AFG1L: variants seen among roughly 807,000 people sequenced by gnomAD.
AFG1L encodes AFG1 like ATPase.
A neutral mutation model predicts 62.2 loss-of-function variants in AFG1L; 53 were observed. The observed-to-expected ratio is 0.85, with a 90% CI of 0.68 to 1.07. AFG1L has a LOEUF of 1.07. Ranked by LOEUF, AFG1L falls within the 50% of genes least tolerant of loss-of-function variation. The pLI is 0.00. For missense variants in AFG1L, 555 were observed against 590.5 expected (o/e 0.94, Z 0.62); for synonymous variants, 228 against 210.3 (o/e 1.08, Z -0.73).
chr6:108,344,790 G>T (rs1306233107), intron 2 of AFG1L: 2 of 471,048 alleles, frequency 4.2e-6, no homozygotes, highest in Non-Finnish European at 8.8e-6. Flanking sequence ...AGGAACTGCT[G>T]CAGAGTATGA....
intron 6 of AFG1L, among the ~76,000 whole-genome samples, chr6:108,370,850 T>G (rs1168441635): frequency 1.3e-5 from 2 of 152,212 alleles, no homozygotes; most frequent in Non-Finnish European, 2.9e-5. Context: ...TAATTCCTTC[T>G]GCTTCATTCA....
chr6:108,479,178 A>G (rs577607784), intron 10 of AFG1L, among the ~76,000 whole-genome samples: 9 of 152,124 alleles, frequency 5.9e-5, no homozygotes, highest in Middle Eastern at 3.4e-3. Context: ...TTTTGTAGAG[A>G]TGGGGGTCTT....
At chr6:108,337,703 G>C (rs1778524328) in intron 2 of AFG1L, among the ~76,000 whole-genome samples, 1 of 152,224 alleles carries the variant, frequency 6.6e-6, no homozygotes, top group South Asian at 2.1e-4. Context: ...CAGTTAAGTA[G>C]AAACCTAAAT....
At chr6:108,304,623 C>T (rs1178156109) in intron 1 of AFG1L, among the ~76,000 whole-genome samples, 3 of 152,132 alleles carry the variant, frequency 2.0e-5, no homozygotes, top group Admixed American at 6.6e-5. Context: ...TTAATCCAGC[C>T]CTTTAGAAAT....
At chr6:108,506,743 G>A (rs1425631583) in intron 10 of AFG1L, among the ~76,000 whole-genome samples, 1 of 152,132 alleles carries the variant, frequency 6.6e-6, no homozygotes, top group African/African-American at 2.4e-5. Flanking sequence ...TATGTAAATG[G>A]TTGTTATAAT....
chr6:108,330,560 C>A (rs532168656), intron 2 of AFG1L, among the ~76,000 whole-genome samples: 1 of 152,218 alleles, frequency 6.6e-6, no homozygotes, highest in Non-Finnish European at 1.5e-5. Context: ...GGGTATGAAA[C>A]CTTGACATTG....
At chr6:108,350,294 A>C (rs1031544850) in intron 3 of AFG1L, among the ~76,000 whole-genome samples, 2 of 151,648 alleles carry the variant, frequency 1.3e-5, no homozygotes, top group Admixed American at 6.6e-5. Flanking sequence ...ACATAGGGAG[A>C]CCTCATCTCT....
intron 2 of AFG1L, among the ~76,000 whole-genome samples, chr6:108,344,102 A>T (rs969310010): frequency 6.6e-6 from 1 of 151,922 alleles, no homozygotes; most frequent in Non-Finnish European, 1.5e-5. Flanking sequence ...TCTCTACAGG[A>T]TAGTTTGTTT....
At chr6:108,320,348 A>G (rs150579842) in intron 1 of AFG1L, among the ~76,000 whole-genome samples, 14 of 152,314 alleles carry the variant, frequency 9.2e-5, no homozygotes, top group African/African-American at 3.1e-4. Flanking sequence ...GGTTAAGGAA[A>G]CAAAGCTTTG....
intron 6 of AFG1L, among the ~76,000 whole-genome samples, chr6:108,382,532 A>G (rs1394110155): frequency 6.6e-6 from 1 of 152,222 alleles, no homozygotes; most frequent in Non-Finnish European, 1.5e-5. Flanking sequence ...GGGAAAAAAT[A>G]CAATGTTCAT....
intron 6 of AFG1L, among the ~76,000 whole-genome samples, chr6:108,379,853 C>T (rs1335670222): frequency 6.6e-6 from 1 of 152,154 alleles, no homozygotes; most frequent in Non-Finnish European, 1.5e-5. Flanking sequence ...GCTTAGGCTG[C>T]TGAACCAGAT....
chr6:108,313,808 A>C (rs183412285), intron 1 of AFG1L, among the ~76,000 whole-genome samples: 1 of 152,118 alleles, frequency 6.6e-6, no homozygotes, highest in Non-Finnish European at 1.5e-5. Flanking sequence ...CCAAATTGCT[A>C]TGATTACAGG....
At chr6:108,322,555 A>G (rs192541327) in intron 1 of AFG1L, among the ~76,000 whole-genome samples, 2 of 152,338 alleles carry the variant, frequency 1.3e-5, no homozygotes, top group East Asian at 3.9e-4. Context: ...CCATGCATCC[A>G]GCTAAAACTT....
intron 12 of AFG1L, 64 bp downstream of exon 12, chr6:108,519,874 A>T: frequency 1.0e-6 from 1 of 990,026 alleles, no homozygotes; most frequent in Non-Finnish European, 1.5e-6. Flanking sequence ...GGTTTGATGC[A>T]TGGCTACATT....
intron 1 of AFG1L, 134 bp downstream of exon 1, chr6:108,295,352 C>T: frequency 1.0e-6 from 1 of 995,124 alleles, no homozygotes; most frequent in South Asian, 1.6e-5. Context: ...AGAGGAGTTT[C>T]CATTTCTCTT....
At chr6:108,363,473 G>T (rs943643316) in intron 5 of AFG1L, among the ~76,000 whole-genome samples, 9 of 151,360 alleles carry the variant, frequency 5.9e-5, no homozygotes, top group Non-Finnish European at 1.0e-4. Context: ...GTTTTTTTTT[G>T]TTTGTTTTTT....
chr6:108,470,306 A>G (rs1395291706), intron 8 of AFG1L, among the ~76,000 whole-genome samples: 1 of 152,142 alleles, frequency 6.6e-6, no homozygotes. Flanking sequence ...CACATACTAT[A>G]CCCAAAAGCT....
At chr6:108,507,494 A>G (rs1774462792) in intron 10 of AFG1L, among the ~76,000 whole-genome samples, 3 of 152,110 alleles carry the variant, frequency 2.0e-5, no homozygotes, top group South Asian at 4.1e-4. Context: ...TGACAAAGGT[A>G]TGTAATTTGT....
intron 6 of AFG1L, among the ~76,000 whole-genome samples, chr6:108,369,734 A>C (rs919668194): frequency 6.6e-6 from 1 of 151,982 alleles, no homozygotes; most frequent in East Asian, 1.9e-4. Flanking sequence ...CCAGTCTCCC[A>C]AGTAGCTGGG....
Sources: allele counts gnomAD v4.1 joint callset (sites outside exome capture counted in the v4.1 genomes callset), GRCh38; gene constraint gnomAD v4.1.1; transcripts MANE v1.5; gene names NCBI Gene and HGNC (gene_info 2026-07-23, HGNC 2026-07-21).